The following TTI1 variants were observed in gnomAD, a reference collection of about 807,000 sequenced individuals.
TTI1 encodes the protein TELO2-interacting protein 1 homolog.
Under a neutral mutation model 85.4 loss-of-function variants are expected in TTI1, and 52 were observed. The observed-to-expected ratio is 0.61, with a 90% confidence interval of 0.49 to 0.77. The LOEUF is 0.77. Among genes scored for constraint, TTI1 ranks in the 30% least tolerant of loss-of-function variants. The pLI is 0.00. For missense variants in TTI1, 1,173 were observed against 1,296.0 expected (o/e 0.91, Z 1.46); for synonymous variants, 512 against 503.9 (o/e 1.02, Z -0.22).
In TTI1 at chr20:38,001,101, G is replaced by C. The variant is rs541153789; in HGVS notation, c.2652+1527C>G. On this transcript the variant is annotated intron_variant, in intron 4 of 7. Coordinates refer to ENST00000373447, the MANE Select transcript of TTI1 (RefSeq NM_001303457.2). ...GTGTATTGCCTCTCTCCCCACAAAAGACAGGGAGTTCCATGAAGACAGGGA... is the reference window on the plus strand; with the variant it reads ...GTGTATTGCCTCTCTCCCCACAAAACACAGGGAGTTCCATGAAGACAGGGA... Among the ~76,000 whole-genome samples, 117 of 152,300 alleles carry C rather than the reference G, an allele frequency of 7.7e-4. 1 individual carries two copies. The highest frequency in any genetic ancestry group is 2.6e-3 in the African/African-American group (109 of 41,570).
chr20:38,005,427 A>G (rs2073481992), intron 3 of TTI1, among the ~76,000 whole-genome samples: 1 of 152,210 alleles, frequency 6.6e-6, no homozygotes, highest in South Asian at 2.1e-4. Flanking sequence ...AATTGGTAAG[A>G]AAAAGACTGC....
intron 7 of TTI1, among the ~76,000 whole-genome samples, chr20:37,988,297 G>A (rs1477785864): frequency 1.3e-5 from 2 of 152,196 alleles, no homozygotes; most frequent in Non-Finnish European, 2.9e-5. Context: ...AGCTCCAACA[G>A]ACCACGAGAG....
In TTI1 at chr20:38,013,804, C is replaced by A. The variant is rs74600021; in HGVS notation, c.13G>T (p.Asp5Tyr). Residue 5 changes from aspartate (D) to tyrosine (Y), a missense_variant, in exon 2 of 8, where the codon GAT (aspartate) becomes TAT (tyrosine). Transcript: ENST00000373447. The part of the protein sequence containing the change: MAVF[D>Y]TPEEAFGVLR... Reference sequence around the variant, plus strand: ...ACACCAAAGGCCTCCTCAGGAGTATCAAAAACTGCCATTGTGCAGCAGCCT... The same window carrying A: ...ACACCAAAGGCCTCCTCAGGAGTATAAAAAACTGCCATTGTGCAGCAGCCT... 6.2e-7 allele frequency: 1 copy of A among 1,610,498 alleles called. No individual in the cohort carries two copies.
At chr20:37,991,670 T>C (rs892124739) in intron 7 of TTI1, among the ~76,000 whole-genome samples, 4 of 152,222 alleles carry the variant, frequency 2.6e-5, no homozygotes, top group Non-Finnish European at 5.9e-5. Flanking sequence ...AACTAGAAAT[T>C]CTGTGGCCAG....
intron 2 of TTI1, among the ~76,000 whole-genome samples, chr20:38,011,281 T>G (rs566503442): frequency 6.6e-6 from 1 of 152,330 alleles, no homozygotes; most frequent in African/African-American, 2.4e-5. Context: ...TATTTACATT[T>G]ATTCTGCAGG....
At chr20:38,017,198 T>C (rs1413836442) in intron 1 of TTI1, among the ~76,000 whole-genome samples, 2 of 152,188 alleles carry the variant, frequency 1.3e-5, no homozygotes, top group Non-Finnish European at 2.9e-5. Context: ...ATCTGGCACA[T>C]GGCAAGCCCT....
At chr20:37,987,386 C>A (rs778285616) in intron 7 of TTI1, 1 of 456,592 alleles carries the variant, frequency 2.2e-6, no homozygotes, top group Non-Finnish European at 4.4e-6. Context: ...TTTTGCGATG[C>A]GCAGGGATGG....
chr20:38,017,248 A>C (rs1014706340), intron 1 of TTI1, among the ~76,000 whole-genome samples: 1 of 152,230 alleles, frequency 6.6e-6, no homozygotes. Flanking sequence ...AGTAGGATAT[A>C]GTATGGTTTG....
At position 37,999,125 on chromosome 20, in the gene TTI1, G is replaced by A. The variant is rs527512170; in HGVS notation, c.2793+63C>T. On this transcript the variant is annotated intron_variant, in intron 5 of 7. Coordinates refer to ENST00000373447, the MANE Select transcript of TTI1 (RefSeq NM_001303457.2). ...GAAGAGAACCAATCCAAAAGGCCCC[G>A]GTGAGCTCTGTGCCTACTAACTCTA... 322 of 1,316,486 alleles carry A rather than the reference G, an allele frequency of 2.4e-4. 1 individual carries two copies. The African/African-American group carries it at 3.2e-3, about 13-fold the overall frequency. The allele number at this position is 1,316,486 out of a possible 1,614,324, so 81.6% of individuals were successfully genotyped here.
intron 7 of TTI1, among the ~76,000 whole-genome samples, chr20:37,992,433 C>T (rs1033752130): frequency 2.6e-5 from 4 of 152,068 alleles, no homozygotes; most frequent in Admixed American, 1.3e-4. Flanking sequence ...CACACCACCA[C>T]GCCTGGCTAA....
intron 1 of TTI1, among the ~76,000 whole-genome samples, chr20:38,030,056 C>T (rs1019570878): frequency 1.3e-5 from 2 of 152,168 alleles, no homozygotes; most frequent in Non-Finnish European, 2.9e-5. Context: ...GGGAATACCA[C>T]AAATAGCTTT....
chr20:38,026,322 G>C (rs1346183902), intron 1 of TTI1, among the ~76,000 whole-genome samples: 1 of 152,072 alleles, frequency 6.6e-6, no homozygotes, highest in Non-Finnish European at 1.5e-5. Context: ...AGCACTCCCG[G>C]CTAATTTTTG....
intron 1 of TTI1, chr20:38,018,938 C>A (rs2073722879): frequency 6.6e-6 from 1 of 151,646 alleles, no homozygotes. Flanking sequence ...TCACTTGAGC[C>A]CAGGAGTTTG....
At chr20:37,988,590 G>C (rs1029763831) in intron 7 of TTI1, among the ~76,000 whole-genome samples, 2 of 152,168 alleles carry the variant, frequency 1.3e-5, no homozygotes, top group Non-Finnish European at 2.9e-5. Flanking sequence ...GCTGTTCTCC[G>C]TCTCTTTCTG....
Position 37,996,909 on chromosome 20 carries a change from G to T in TTI1, c.2838C>A (p.Ser946Arg). Residue 946 changes from serine to arginine, a missense_variant, in exon 6 of 8, where the codon AGC (serine) becomes AGA (arginine). Transcript: ENST00000373447. ...TTGGCAGGACATCTTTGCAGAACCG[G>T]CTGCGAAGAAAGTCACCACACTTGC... ...LGSKCGDFLR[S>R]RFCKDVLPKL... 6.2e-7 allele frequency: 1 copy of T among 1,614,112 alleles called. No individual in the cohort carries two copies. The highest frequency in any genetic ancestry group is 1.1e-5 in the South Asian group (1 of 91,088).
chr20:37,987,551 A>C (rs868401381), intron 7 of TTI1: 1 of 361,240 alleles, frequency 2.8e-6, no homozygotes, highest in African/African-American at 2.1e-5. Context: ...ACAGTTATCA[A>C]GAGATTATCT....
At chr20:38,009,261 C>T (rs1006163092) in intron 2 of TTI1, among the ~76,000 whole-genome samples, 1 of 152,194 alleles carries the variant, frequency 6.6e-6, no homozygotes, top group African/African-American at 2.4e-5. Context: ...TGAGGGGCTC[C>T]ACGAGGGCAG....
chr20:38,017,049 C>G (rs1179216210), intron 1 of TTI1, among the ~76,000 whole-genome samples: 1 of 152,206 alleles, frequency 6.6e-6, no homozygotes, highest in Non-Finnish European at 1.5e-5. Flanking sequence ...TCACATTTGT[C>G]TCCTTTTTCC....
rs201087607 is a variant in TTI1 at position 38,001,661 on chromosome 20, CT to C, written c.2652+966del. 3.7e-3 allele frequency among the ~76,000 whole-genome samples: 568 copies of C among 152,228 alleles called. 2 individuals are homozygous for C. The highest frequency in any genetic ancestry group is 0.013 in the African/African-American group (539 of 41,542). On this transcript the variant is annotated intron_variant, in intron 4 of 7. Transcript: ENST00000373447. The stretch of plus-strand genomic sequence containing the variant: ...ATCAGGGTTTCCTAGCCCATCACCC[CT>C]GAGCAAGGCAATGTACACTCATTAC...
Sources: gnomAD v4.1 joint callset for allele counts (sites outside exome capture counted in the v4.1 genomes callset) on GRCh38, gnomAD v4.1.1 for gene constraint, MANE v1.5 for transcripts, NCBI Gene and HGNC (gene_info 2026-07-23, HGNC 2026-07-21) for gene names.